SORCS3: variants seen among roughly 807,000 people sequenced by gnomAD.
SORCS3 encodes sortilin related VPS10 domain containing receptor 3.
In SORCS3, 57 loss-of-function variants were observed where a neutral mutation model predicts 146.3. The ratio of observed to expected loss-of-function variants is 0.39; its 90% CI spans 0.31 to 0.49. SORCS3 has a LOEUF of 0.49. SORCS3 is among the 20% of genes least tolerant of loss of function. The pLI is 0.92. For synonymous variants in SORCS3, 653 were observed against 618.5 expected, an observed-to-expected ratio of 1.06 and a Z score of -0.83; for missense variants, 1,341 against 1,575.5, an observed-to-expected ratio of 0.85 and a Z score of 2.52.
chr10:104,838,000 T>A (rs2133542752), intron 1 of SORCS3, among the ~76,000 whole-genome samples: 1 of 152,312 alleles, frequency 6.6e-6, no homozygotes, highest in East Asian at 1.9e-4. Flanking sequence ...CTTGGGACTC[T>A]GTTTCTTTAT....
intron 13 of SORCS3, among the ~76,000 whole-genome samples, chr10:105,169,354 A>T (rs190484946): frequency 6.6e-6 from 1 of 152,210 alleles, no homozygotes; most frequent in East Asian, 1.9e-4. Flanking sequence ...AAGTGAAAGC[A>T]ATGTCTGCTA....
intron 1 of SORCS3, among the ~76,000 whole-genome samples, chr10:104,669,280 G>A (rs892769324): frequency 6.6e-6 from 1 of 152,180 alleles, no homozygotes; most frequent in Admixed American, 6.5e-5. Context: ...CCATTTTAAA[G>A]TGTATAGTTC....
At chr10:105,252,748 C>T (rs751588372) in intron 22 of SORCS3, 27 bp from the exon 23 acceptor site, 1 of 1,613,460 alleles carries the variant, frequency 6.2e-7, no homozygotes, top group Non-Finnish European at 8.5e-7. Context: ...TCCTCCACAG[C>T]CTCTCTTTGT....
At chr10:105,055,617 A>G (rs1401267788) in intron 5 of SORCS3, among the ~76,000 whole-genome samples, 9 of 152,152 alleles carry the variant, frequency 5.9e-5, no homozygotes, top group Admixed American at 5.9e-4. Context: ...TTATAATAAG[A>G]GGAGATAATT....
chr10:105,212,512 T>A (rs2056639803), intron 17 of SORCS3, among the ~76,000 whole-genome samples: 1 of 152,200 alleles, frequency 6.6e-6, no homozygotes, highest in Non-Finnish European at 1.5e-5. Flanking sequence ...TATAAAAGAA[T>A]TGAATTAAAG....
chr10:105,091,404 T>C (rs2055704680), intron 6 of SORCS3, among the ~76,000 whole-genome samples: 2 of 68,546 alleles, frequency 2.9e-5, no homozygotes, highest in African/African-American at 1.2e-4. Flanking sequence ...CCCTCCTTCC[T>C]TCCTTCCTTC....
intron 2 of SORCS3, among the ~76,000 whole-genome samples, chr10:104,887,642 A>G (rs1191218150): frequency 3.9e-5 from 6 of 152,270 alleles, no homozygotes; most frequent in South Asian, 4.2e-4. Context: ...GTCTGCCTCA[A>G]GATCCCCAAG....
chr10:104,648,516 C>T (rs1467967560), intron 1 of SORCS3, among the ~76,000 whole-genome samples: 1 of 152,118 alleles, frequency 6.6e-6, no homozygotes, highest in Non-Finnish European at 1.5e-5. Context: ...TTCTTTCCTT[C>T]TGTTCTGGGG....
At chr10:105,208,094 T>C (rs1411470982) in intron 16 of SORCS3, among the ~76,000 whole-genome samples, 5 of 152,020 alleles carry the variant, frequency 3.3e-5, no homozygotes, top group Admixed American at 1.3e-4. Flanking sequence ...ATAATCCCAG[T>C]ACTTTGGGAG....
chr10:104,824,257 T>C (rs951882135), intron 1 of SORCS3, among the ~76,000 whole-genome samples: 2 of 152,256 alleles, frequency 1.3e-5, no homozygotes, highest in African/African-American at 4.8e-5. Context: ...CCCCAGTAGA[T>C]ATCTCCATCT....
chr10:104,845,297 A>C (rs879778381), intron 2 of SORCS3, among the ~76,000 whole-genome samples: 15 of 152,120 alleles, frequency 9.9e-5, no homozygotes, highest in African/African-American at 2.9e-4. Context: ...CTCACATCTA[A>C]GCTTGTAGAG....
chr10:105,262,876 G>C (rs1366331998), intron 26 of SORCS3, among the ~76,000 whole-genome samples: 1 of 152,118 alleles, frequency 6.6e-6, no homozygotes, highest in South Asian at 2.1e-4. Context: ...CTACATCTGT[G>C]ACCTCTCTGT....
intron 5 of SORCS3, among the ~76,000 whole-genome samples, chr10:105,054,002 A>T (rs2055429941): frequency 6.6e-6 from 1 of 152,070 alleles, no homozygotes; most frequent in African/African-American, 2.4e-5. Context: ...ATAAAAATTT[A>T]ATTTAAAGAA....
intron 8 of SORCS3, among the ~76,000 whole-genome samples, chr10:105,143,875 G>C (rs10884107): frequency 6.6e-6 from 1 of 151,842 alleles, no homozygotes; most frequent in East Asian, 1.9e-4. Flanking sequence ...ATGGAGAACC[G>C]GCTTCCTTGG....
At chr10:105,090,668 AC>A (rs2055695431) in intron 6 of SORCS3, among the ~76,000 whole-genome samples, 1 of 152,204 alleles carries the variant, frequency 6.6e-6, no homozygotes, top group South Asian at 2.1e-4. Flanking sequence ...GAGTTGGGGT[AC>A]TCGGCTCTGT....
intron 4 of SORCS3, among the ~76,000 whole-genome samples, chr10:105,027,518 ACTTTGC>A (rs761202109): frequency 3.3e-5 from 5 of 152,084 alleles, no homozygotes; most frequent in African/African-American, 4.8e-5. Flanking sequence ...CCTATTTATG[ACTTTGC>A]CTACCTGCTG....
intron 1 of SORCS3, among the ~76,000 whole-genome samples, chr10:104,645,298 C>A (rs1028155310): frequency 6.6e-6 from 1 of 152,162 alleles, no homozygotes; most frequent in East Asian, 1.9e-4. Flanking sequence ...GCCCAGTCCC[C>A]GTGGCTTACA....
chr10:104,971,519 C>T (rs772059879), intron 3 of SORCS3, among the ~76,000 whole-genome samples: 2 of 151,932 alleles, frequency 1.3e-5, no homozygotes, highest in Non-Finnish European at 2.9e-5. Flanking sequence ...ACCAGAGAAG[C>T]AGTAGGGCTG....
intron 7 of SORCS3, among the ~76,000 whole-genome samples, chr10:105,128,189 T>C (rs900667440): frequency 4.6e-5 from 7 of 152,152 alleles, no homozygotes; most frequent in African/African-American, 1.7e-4. Context: ...ATGTTGCTTG[T>C]GCTGGCAGAG....
Sources: gnomAD v4.1 joint callset for allele counts (sites outside exome capture counted in the v4.1 genomes callset) on GRCh38, gnomAD v4.1.1 for gene constraint, MANE v1.5 for transcripts, NCBI Gene and HGNC (gene_info 2026-07-23, HGNC 2026-07-21) for gene names.